GAP43: variants seen among roughly 807,000 people sequenced by gnomAD.
GAP43 encodes the protein neuromodulin.
GAP43 carries 6 observed loss-of-function variants against 18.6 expected under a neutral mutation model. That is an observed-to-expected ratio of 0.32 (90% CI 0.18 to 0.64). The LOEUF is 0.64. Ranked by LOEUF, GAP43 falls within the 30% of genes least tolerant of loss-of-function variation. The probability of loss-of-function intolerance (pLI) is 0.78; values close to 1 mark genes in which losing one functional copy is unlikely to be tolerated. For missense variants in GAP43, 292 were observed against 295.5 expected, an observed-to-expected ratio of 0.99 and a Z score of 0.09; for synonymous variants, 115 against 111.4, an observed-to-expected ratio of 1.03 and a Z score of -0.20.
chr3:115,694,187 G>A (rs1709154467), intron 2 of GAP43, among the ~76,000 whole-genome samples: 2 of 152,168 alleles, frequency 1.3e-5, no homozygotes, highest in African/African-American at 4.8e-5. Context: ...TGCTGTTACA[G>A]GCAGCCCAGA....
chr3:115,629,640 A>G (rs916710060), intron 1 of GAP43, among the ~76,000 whole-genome samples: 2 of 152,044 alleles, frequency 1.3e-5, no homozygotes, highest in African/African-American at 2.4e-5. Flanking sequence ...TTATTGCACT[A>G]TTTGACATTT....
intron 2 of GAP43, among the ~76,000 whole-genome samples, chr3:115,697,416 C>G (rs1411674651): frequency 6.6e-6 from 1 of 152,138 alleles, no homozygotes; most frequent in African/African-American, 2.4e-5. Context: ...GTCCTTTGTC[C>G]CTGTACATTC....
intron 2 of GAP43, among the ~76,000 whole-genome samples, chr3:115,696,809 A>T (rs952032453): frequency 5.9e-5 from 9 of 151,370 alleles, no homozygotes; most frequent in Admixed American, 5.9e-4. Flanking sequence ...TATTTTCAGT[A>T]ATTTTTGTTT....
At chr3:115,657,458 T>C (rs1429792466) in intron 1 of GAP43, among the ~76,000 whole-genome samples, 2 of 152,000 alleles carry the variant, frequency 1.3e-5, no homozygotes, top group African/African-American at 4.8e-5. Context: ...TGTTAATTCA[T>C]TAATTTCTTT....
intron 2 of GAP43, among the ~76,000 whole-genome samples, chr3:115,693,785 G>A (rs1709146193): frequency 6.6e-6 from 1 of 151,688 alleles, no homozygotes; most frequent in Non-Finnish European, 1.5e-5. Flanking sequence ...AAATGATGGG[G>A]GCTGGGGCGG....
At chr3:115,634,879 G>T (rs1209397037) in intron 1 of GAP43, among the ~76,000 whole-genome samples, 1 of 152,154 alleles carries the variant, frequency 6.6e-6, no homozygotes, top group Non-Finnish European at 1.5e-5. Flanking sequence ...CACTTTGGTT[G>T]TCCAGACTCT....
In GAP43 at chr3:115,705,127, G is replaced by A. The variant is rs149561921; in HGVS notation, c.629-15667G>A. 1.2e-3 allele frequency among the ~76,000 whole-genome samples: 178 copies of A among 152,276 alleles called. 2 individuals are homozygous for A. The highest frequency in any genetic ancestry group is 4.1e-3 in the African/African-American group (172 of 41,574). ...CTCAAGTACTACCCAAACACATCAT[G>A]CCGAACCACGGCAAGGCATGAGCTG... is the stretch of plus-strand genomic sequence containing the variant. On this transcript the variant is annotated intron_variant, in intron 2 of 2. Coordinates refer to ENST00000305124, the MANE Select transcript of GAP43 (RefSeq NM_002045.4).
At position 115,652,356 on chromosome 3, in the gene GAP43, CTTTTTTTTTTT is replaced by C. The variant is rs71141831; in HGVS notation, c.31-23638_31-23628del. 2.4e-3 allele frequency among the ~76,000 whole-genome samples: 107 copies of C among 43,810 alleles called. 2 individuals carry two copies. The South Asian group carries it at 0.072, about 30-fold the overall frequency. 28.7% of individuals were successfully genotyped at this position (43,810 alleles called of 152,430 possible). On this transcript the variant is annotated intron_variant, in intron 1 of 2. Transcript: ENST00000305124. ...TTCCTGATGATTCTTATCCAGCATTCTTTTTTTTTTTTTTTTTTTTTTTTTTTTTGTGATAG... is the reference window on the plus strand; with the variant it reads ...TTCCTGATGATTCTTATCCAGCATTCTTTTTTTTTTTTTTTTTTGTGATAG...
At chr3:115,676,937 A>G (rs1708900712) in intron 2 of GAP43, among the ~76,000 whole-genome samples, 1 of 152,210 alleles carries the variant, frequency 6.6e-6, no homozygotes, top group African/African-American at 2.4e-5. Flanking sequence ...CTGTGTGCTG[A>G]TAGACTTAGT....
At position 115,692,084 on chromosome 3, in the gene GAP43, G is replaced by A. The variant is rs115570342; in HGVS notation, c.628+15474G>A. 2.9e-3 allele frequency among the ~76,000 whole-genome samples: 434 copies of A among 152,218 alleles called. 1 individual carries two copies. The highest frequency in any genetic ancestry group is 4.8e-3 in the Non-Finnish European group (324 of 68,010). On this transcript the variant is annotated intron_variant, in intron 2 of 2. Coordinates refer to ENST00000305124, the MANE Select transcript of GAP43 (RefSeq NM_002045.4). ...AACATGTTATACTGTGTGTGCATAC[G>A]GATGATATTCTTGGCAAAATGACCT...
chr3:115,669,988 T>A (rs1253737635), intron 1 of GAP43, among the ~76,000 whole-genome samples: 1 of 126,516 alleles, frequency 7.9e-6, no homozygotes, highest in East Asian at 3.0e-4. Flanking sequence ...TTTTTTAATT[T>A]TTTTTTTAAT....
At chr3:115,711,181 T>C (rs1265495210) in intron 2 of GAP43, among the ~76,000 whole-genome samples, 1 of 152,224 alleles carries the variant, frequency 6.6e-6, no homozygotes, top group Non-Finnish European at 1.5e-5. Flanking sequence ...TCTGTGGTTA[T>C]ACCATATATC....
chr3:115,658,287 T>G (rs900500760), intron 1 of GAP43, among the ~76,000 whole-genome samples: 2 of 152,246 alleles, frequency 1.3e-5, no homozygotes, highest in Admixed American at 1.3e-4. Context: ...CTGGCTTGTC[T>G]TCCTTCTCCC....
At chr3:115,720,738 A>C in intron 2 of GAP43, 56 bp from the exon 3 acceptor site, 2 of 1,201,360 alleles carry the variant, frequency 1.7e-6, no homozygotes, top group Non-Finnish European at 2.4e-6. Flanking sequence ...TGAGCAGATA[A>C]GACAAAATAC....
At chr3:115,683,124 T>TGCACGCGTGCGCGC (rs1708977303) in intron 2 of GAP43, among the ~76,000 whole-genome samples, 1 of 113,796 alleles carries the variant, frequency 8.8e-6, no homozygotes, top group African/African-American at 3.1e-5. Context: ...TACATACATG[T>TGCACGCGTGCGCGC]GCGCGCGCGT....
chr3:115,698,262 T>A (rs1308692295), intron 2 of GAP43, among the ~76,000 whole-genome samples: 3 of 13,438 alleles, frequency 2.2e-4, no homozygotes, highest in African/African-American at 2.7e-4. Flanking sequence ...ATAATATATA[T>A]AAAATATATA....
At chr3:115,669,345 A>G (rs771426996) in intron 1 of GAP43, among the ~76,000 whole-genome samples, 3 of 152,188 alleles carry the variant, frequency 2.0e-5, no homozygotes, top group Non-Finnish European at 4.4e-5. Flanking sequence ...ACAAAAATTG[A>G]CAAAATCGAA....
At position 115,696,483 on chromosome 3, in the gene GAP43, G is replaced by A. The variant is rs1576997458; in HGVS notation, c.628+19873G>A. On this transcript the variant is annotated intron_variant, in intron 2 of 2. Coordinates refer to ENST00000305124, the MANE Select transcript of GAP43 (RefSeq NM_002045.4). ...GTGGCCTCAAAGCTCCATGTTCTCA[G>A]CATATCCACTAGGTCACCACTTGGA... is the stretch of plus-strand genomic sequence containing the variant. Among the ~76,000 whole-genome samples, 3 of 150,576 alleles carry A rather than the reference G, an allele frequency of 2.0e-5. No homozygotes were observed. The South Asian group carries it at 6.3e-4, about 32-fold the overall frequency.
chr3:115,657,193 A>G (rs1708594682), intron 1 of GAP43, among the ~76,000 whole-genome samples: 1 of 152,146 alleles, frequency 6.6e-6, no homozygotes, highest in South Asian at 2.1e-4. Context: ...AAAACAGATA[A>G]AAAGAGAATA....
Sources: gnomAD v4.1 joint callset for allele counts (sites outside exome capture counted in the v4.1 genomes callset) on GRCh38, gnomAD v4.1.1 for gene constraint, MANE v1.5 for transcripts, NCBI Gene and HGNC (gene_info 2026-07-23, HGNC 2026-07-21) for gene names.